The following PRKACB variants were observed in gnomAD, a reference collection of about 807,000 sequenced individuals.
The protein encoded by PRKACB is protein kinase cAMP-activated catalytic subunit beta.
Under a neutral mutation model 51.4 loss-of-function variants are expected in PRKACB, and 16 were observed. That is an observed-to-expected ratio of 0.31 (90% CI 0.21 to 0.47). The LOEUF (loss-of-function observed/expected upper bound fraction) is 0.47. PRKACB is among the 20% of genes least tolerant of loss of function. The pLI, the probability that PRKACB is intolerant of heterozygous loss-of-function variation, is 1.00. For missense variants in PRKACB, 309 were observed against 464.5 expected (o/e 0.67, Z 3.08); for synonymous variants, 147 against 154.4 (o/e 0.95, Z 0.35).
intron 1 of PRKACB, among the ~76,000 whole-genome samples, chr1:84,100,830 T>C (rs1298944872): frequency 6.6e-6 from 1 of 152,326 alleles, no homozygotes; most frequent in East Asian, 1.9e-4. Flanking sequence ...TGATTGTTCT[T>C]ATTTTATACA....
chr1:84,161,553 C>T (rs1030699062), intron 1 of PRKACB, among the ~76,000 whole-genome samples: 2 of 151,626 alleles, frequency 1.3e-5, no homozygotes, highest in African/African-American at 4.8e-5. Flanking sequence ...CTACCACCTT[C>T]TTTTCTATTA....
chr1:84,174,583 A>G (rs886165570), intron 1 of PRKACB, among the ~76,000 whole-genome samples: 1 of 151,946 alleles, frequency 6.6e-6, no homozygotes, highest in Non-Finnish European at 1.5e-5. Context: ...TTAAACCAGC[A>G]CTGAGGAAGT....
upstream of PRKACB, among the ~76,000 whole-genome samples, chr1:84,140,048 A>C (rs906926533): frequency 6.6e-6 from 1 of 152,202 alleles, no homozygotes; most frequent in African/African-American, 2.4e-5. Flanking sequence ...CGACAGACTG[A>C]GACTCCGTCT....
chr1:84,224,503 G>A (rs1674253115), intron 9 of PRKACB, among the ~76,000 whole-genome samples: 1 of 152,204 alleles, frequency 6.6e-6, no homozygotes, highest in Non-Finnish European at 1.5e-5. Flanking sequence ...GGCATATGTG[G>A]GTAAGCGCCA....
chr1:84,123,490 A>C (rs1433555426), intron 1 of PRKACB, among the ~76,000 whole-genome samples: 1 of 152,198 alleles, frequency 6.6e-6, no homozygotes, highest in Non-Finnish European at 1.5e-5. Flanking sequence ...AAATCTTAGT[A>C]ATTTAAACCT....
At chr1:84,184,898 A>G (rs1214247563) in intron 4 of PRKACB, among the ~76,000 whole-genome samples, 1 of 151,968 alleles carries the variant, frequency 6.6e-6, no homozygotes, top group Non-Finnish European at 1.5e-5. Flanking sequence ...GTCCCAGACT[A>G]GTTTGTGGCA....
intron 1 of PRKACB, among the ~76,000 whole-genome samples, chr1:84,120,451 A>T (rs1650968161): frequency 6.6e-6 from 1 of 152,132 alleles, no homozygotes; most frequent in Admixed American, 6.6e-5. Flanking sequence ...TTGGAAGAAA[A>T]TATAGGAGAT....
At chr1:84,134,068 C>G (rs1296750373) in intron 1 of PRKACB, among the ~76,000 whole-genome samples, 1 of 152,132 alleles carries the variant, frequency 6.6e-6, no homozygotes, top group Non-Finnish European at 1.5e-5. Flanking sequence ...AGTAGTCTCC[C>G]CTTGAAGTCT....
At chr1:84,137,694 G>C (rs1652964724) in intron 1 of PRKACB, among the ~76,000 whole-genome samples, 2 of 152,232 alleles carry the variant, frequency 1.3e-5, no homozygotes, top group African/African-American at 4.8e-5. Flanking sequence ...CTGTAGTCTA[G>C]TTGATAAAGT....
At chr1:84,167,194 T>C (rs1657785174) in intron 1 of PRKACB, among the ~76,000 whole-genome samples, 1 of 151,644 alleles carries the variant, frequency 6.6e-6, no homozygotes, top group South Asian at 2.1e-4. Flanking sequence ...TCCAGTTTTA[T>C]ATCCTTCCAG....
chr1:84,225,645 C>T (rs1304357006), intron 9 of PRKACB, among the ~76,000 whole-genome samples: 1 of 152,128 alleles, frequency 6.6e-6, no homozygotes, highest in East Asian at 1.9e-4. Flanking sequence ...CTGGAACAAA[C>T]TCCCTCTCTG....
chr1:84,195,222 G>A (rs1227346138), intron 5 of PRKACB, among the ~76,000 whole-genome samples: 1 of 152,184 alleles, frequency 6.6e-6, no homozygotes, highest in Non-Finnish European at 1.5e-5. Context: ...TGGATTGACA[G>A]TGTTGGGATG....
chr1:84,082,795 T>C (rs1252226047), intron 1 of PRKACB, among the ~76,000 whole-genome samples: 1 of 152,196 alleles, frequency 6.6e-6, no homozygotes, highest in Non-Finnish European at 1.5e-5. Context: ...GTTTGGTATA[T>C]TGGACAACAC....
chr1:84,130,602 T>TA (rs1474510684), intron 1 of PRKACB, among the ~76,000 whole-genome samples: 4 of 152,144 alleles, frequency 2.6e-5, no homozygotes, highest in Admixed American at 6.6e-5. Context: ...CAGAAATTTC[T>TA]AAAAAAATTG....
At chr1:84,107,812 A>G (rs551547358) in intron 1 of PRKACB, among the ~76,000 whole-genome samples, 110 of 152,260 alleles carry the variant, frequency 7.2e-4, no homozygotes, top group African/African-American at 2.5e-3. Flanking sequence ...CAGAATGGCT[A>G]TTATTAAAGA....
At chr1:84,124,425 T>C (rs1377660309) in intron 1 of PRKACB, among the ~76,000 whole-genome samples, 1 of 152,240 alleles carries the variant, frequency 6.6e-6, no homozygotes, top group Admixed American at 6.5e-5. Flanking sequence ...ATATCCAGAA[T>C]GCTTTTACAC....
At chr1:84,196,406 C>T (rs1346740206) in intron 5 of PRKACB, among the ~76,000 whole-genome samples, 2 of 152,102 alleles carry the variant, frequency 1.3e-5, no homozygotes, top group African/African-American at 4.8e-5. Flanking sequence ...TCAACATATG[C>T]TTCCCCATAA....
intron 9 of PRKACB, among the ~76,000 whole-genome samples, chr1:84,228,320 G>T (rs552299763): frequency 1.3e-5 from 2 of 152,272 alleles, no homozygotes; most frequent in South Asian, 4.2e-4. Context: ...AGAGCTCTGG[G>T]CCAGAAGTGG....
intron 9 of PRKACB, among the ~76,000 whole-genome samples, chr1:84,227,267 G>C (rs757918680): frequency 6.6e-6 from 1 of 151,802 alleles, no homozygotes; most frequent in Non-Finnish European, 1.5e-5. Context: ...TTGGGTATTG[G>C]TCTCTTCAAG....
Sources: allele counts gnomAD v4.1 joint callset (sites outside exome capture counted in the v4.1 genomes callset), GRCh38; gene constraint gnomAD v4.1.1; transcripts MANE v1.5; gene names NCBI Gene and HGNC (gene_info 2026-07-23, HGNC 2026-07-21).